The following HDAC9 variants were observed in gnomAD, a reference collection of about 807,000 sequenced individuals.
The protein encoded by HDAC9 is MEF-2 interacting transcription repressor (MITR) protein.
HDAC9 carries 41 observed loss-of-function variants against 139.4 expected under a neutral mutation model. The ratio of observed to expected loss-of-function variants is 0.29; its 90% confidence interval spans 0.23 to 0.38. The LOEUF (loss-of-function observed/expected upper bound fraction) is 0.38, where lower values mean the gene tolerates loss of function less well. HDAC9 is among the 10% of genes least tolerant of loss of function. The probability of loss-of-function intolerance (pLI) is 1.00; values close to 1 mark genes in which losing one functional copy is unlikely to be tolerated. For synonymous variants in HDAC9, 517 were observed against 476.2 expected (o/e 1.09, Z -1.12); for missense variants, 1,147 against 1,297.0 (o/e 0.88, Z 1.78).
At chr7:18,816,552 C>T (rs937530960) in intron 17 of HDAC9, among the ~76,000 whole-genome samples, 5 of 152,192 alleles carry the variant, frequency 3.3e-5, no homozygotes, top group Admixed American at 6.5e-5. Flanking sequence ...AAAGAGGAAT[C>T]GGAGCCAATT....
chr7:18,363,308 A>G (rs559072817), intron 1 of HDAC9, among the ~76,000 whole-genome samples: 1 of 152,236 alleles, frequency 6.6e-6, no homozygotes, highest in African/African-American at 2.4e-5. Context: ...GATCTTAGAT[A>G]CTTCTAAAGC....
chr7:18,939,900 A>T (rs2853553), intron 23 of HDAC9, among the ~76,000 whole-genome samples: 287 of 152,334 alleles, frequency 1.9e-3, no homozygotes, highest in Admixed American at 3.1e-3. Flanking sequence ...AACACTGAAC[A>T]TGCAATTGAA....
At chr7:18,323,225 C>CTTTTTTTTTTTTTTTTTTTTT in intron 1 of HDAC9, among the ~76,000 whole-genome samples, 1 of 152,264 alleles carries the variant, frequency 6.6e-6, no homozygotes, top group African/African-American at 2.4e-5. Context: ...CCAGTTCTTT[C>CTTTTTTTTTTTTTTTTTTTTT]TTATTGGCTC....
At chr7:18,158,116 A>G (rs1253129963) in intron 1 of HDAC9, among the ~76,000 whole-genome samples, 3 of 152,232 alleles carry the variant, frequency 2.0e-5, no homozygotes, top group South Asian at 4.1e-4. Context: ...TGTTACCTAC[A>G]TAGACTATAA....
chr7:18,990,397 C>G lies in HDAC9; in HGVS notation c.3171-5626C>G, dbSNP rs545085004. On this transcript the variant is annotated intron_variant, in intron 25 of 25. Coordinates refer to ENST00000686413, the MANE Select transcript of HDAC9 (RefSeq NM_178425.4). The stretch of plus-strand genomic sequence containing the variant: ...TCAGGGACCCACTTGAGGAGGCAGT[C>G]TGCCCGTTTTCAGATCTCCAGCTGC... Among the ~76,000 whole-genome samples the G allele has an allele frequency of 6.6e-5, 10 of 152,346 alleles. No individual in the cohort carries two copies. The South Asian group carries it at 1.9e-3, about 28-fold the overall frequency.
rs75119247 is a variant in HDAC9 at position 18,415,495 on chromosome 7, T to C, written c.-41-80767T>C. On this transcript the variant is annotated intron_variant, in intron 1 of 3. Transcript: ENST00000413509. ...ACCCATAGTTGGATAAGATGATTAG[T>C]GTAATACTTCATGTTTTTATAAAGA... Among the ~76,000 whole-genome samples, 1,484 of 152,342 alleles carry C rather than the reference T, an allele frequency of 9.7e-3. 7 individuals carry two copies. The highest frequency in any genetic ancestry group is 0.017 in the Non-Finnish European group (1,152 of 68,032).
chr7:18,935,771 A>G, intron 22 of HDAC9, 38 bp from the exon 23 acceptor site: 2 of 1,591,710 alleles, frequency 1.3e-6, no homozygotes, highest in Non-Finnish European at 1.7e-6. Context: ...CTTTCTCTTG[A>G]TTTAATACTT....
At chr7:18,732,715 G>A (rs570302614) in intron 13 of HDAC9, among the ~76,000 whole-genome samples, 1 of 126,712 alleles carries the variant, frequency 7.9e-6, no homozygotes, top group Non-Finnish European at 1.6e-5. Flanking sequence ...GTGTGCGTAT[G>A]TGTACACACA....
upstream of HDAC9, among the ~76,000 whole-genome samples, chr7:18,491,614 A>AAAT (rs1432250363): frequency 6.6e-6 from 1 of 152,014 alleles, no homozygotes; most frequent in African/African-American, 2.4e-5. Flanking sequence ...CAGATGTACA[A>AAAT]AATCTTTCTT....
intron 22 of HDAC9, among the ~76,000 whole-genome samples, chr7:18,914,394 C>T (rs1168033044): frequency 1.3e-5 from 2 of 151,796 alleles, no homozygotes; most frequent in Non-Finnish European, 1.5e-5. Flanking sequence ...ACAGCTGAGA[C>T]AAGACATGCA....
In HDAC9 at chr7:18,646,174, TAAGTA is replaced by T. The variant is rs567477070; in HGVS notation, c.1035+1384_1035+1388del. Among the ~76,000 whole-genome samples, 504 of 152,278 alleles carry T rather than the reference TAAGTA, an allele frequency of 3.3e-3. 5 individuals carry two copies. The highest frequency in any genetic ancestry group is 0.011 in the African/African-American group (475 of 41,576). On this transcript the variant is annotated intron_variant, in intron 9 of 25. Coordinates refer to ENST00000686413, the MANE Select transcript of HDAC9 (RefSeq NM_178425.4). ...CTCTATTTCCTGTCTCTTCTAATGA[TAAGTA>T]AATACCAACCCAAAAACTTCTTATG... is the stretch of plus-strand genomic sequence containing the variant.
At chr7:18,374,150 A>G (rs760658391) in intron 1 of HDAC9, among the ~76,000 whole-genome samples, 2 of 151,752 alleles carry the variant, frequency 1.3e-5, no homozygotes, top group South Asian at 2.1e-4. Context: ...CGTATCATAT[A>G]TACTAGATAT....
chr7:18,513,371 TAGAG>T (rs1272215925), intron 2 of HDAC9, among the ~76,000 whole-genome samples: 1 of 152,084 alleles, frequency 6.6e-6, no homozygotes, highest in African/African-American at 2.4e-5. Context: ...TAGAGTGAAA[TAGAG>T]AGGTGATAAT....
Position 18,702,460 on chromosome 7 carries a change from G to T in HDAC9, c.1732-25120G>T, listed in dbSNP as rs573267521. Among the ~76,000 whole-genome samples, 4 of 152,252 alleles carry T rather than the reference G, an allele frequency of 2.6e-5. No individual in the cohort carries two copies. In the South Asian group the frequency reaches 8.3e-4, roughly 32 times the overall value. ...TCCAGTCTGCATAATTTTGGGATGCGGCCTGTAAGGCTTTACCATTTCTGT... is the reference window on the plus strand; with the variant it reads ...TCCAGTCTGCATAATTTTGGGATGCTGCCTGTAAGGCTTTACCATTTCTGT... On this transcript the variant is annotated intron_variant, in intron 12 of 25. Transcript: ENST00000686413.
intron 1 of HDAC9, among the ~76,000 whole-genome samples, chr7:18,090,721 C>T (rs539007164): frequency 2.0e-5 from 3 of 151,426 alleles, no homozygotes; most frequent in South Asian, 2.1e-4. Flanking sequence ...TTCTGGGTGT[C>T]GGGATGTCTA....
intron 1 of HDAC9, among the ~76,000 whole-genome samples, chr7:18,385,082 TG>T (rs1255318793): frequency 6.6e-6 from 1 of 152,208 alleles, no homozygotes; most frequent in Non-Finnish European, 1.5e-5. Context: ...GGATTCAAGT[TG>T]GTGTGGATGC....
At chr7:18,968,958 C>CAAAAAAAAAAAAAAAGAAA (rs1784069678) in intron 24 of HDAC9, among the ~76,000 whole-genome samples, 1 of 45,182 alleles carries the variant, frequency 2.2e-5, no homozygotes, top group Non-Finnish European at 3.7e-5. Context: ...GCCTCCCTCT[C>CAAAAAAAAAAAAAAAGAAA]AAAAAAAAAA....
At chr7:18,293,007 T>C (rs1394459925) in intron 1 of HDAC9, among the ~76,000 whole-genome samples, 3 of 151,994 alleles carry the variant, frequency 2.0e-5, no homozygotes, top group African/African-American at 7.2e-5. Flanking sequence ...TTTTTTTTTC[T>C]TCACTCAAGG....
intron 24 of HDAC9, among the ~76,000 whole-genome samples, chr7:18,968,826 G>T (rs1031167810): frequency 2.6e-5 from 4 of 151,924 alleles, no homozygotes; most frequent in African/African-American, 9.7e-5. Context: ...GGGCGTGGTG[G>T]CGGGCGCCTG....
Sources: allele counts gnomAD v4.1 joint callset (sites outside exome capture counted in the v4.1 genomes callset), GRCh38; gene constraint gnomAD v4.1.1; transcripts MANE v1.5; gene names NCBI Gene and HGNC (gene_info 2026-07-23, HGNC 2026-07-21).